Variants in TIAM1 observed in about 807,000 individuals in gnomAD.
TIAM1 encodes TIAM Rac1 associated GEF 1, also known as rho guanine nucleotide exchange factor TIAM1.
In TIAM1, 65 loss-of-function variants were observed where a neutral mutation model predicts 163.5. The ratio of observed to expected loss-of-function variants is 0.40; its 90% CI spans 0.33 to 0.49. TIAM1 has a LOEUF of 0.49. Ranked by LOEUF, TIAM1 falls within the 20% of genes least tolerant of loss-of-function variation. The probability of loss-of-function intolerance (pLI) is 0.77; values close to 1 mark genes in which losing one functional copy is unlikely to be tolerated. For synonymous variants in TIAM1, 833 were observed against 810.1 expected, an observed-to-expected ratio of 1.03 and a Z score of -0.48; for missense variants, 1,789 against 2,044.7, an observed-to-expected ratio of 0.87 and a Z score of 2.41.
chr21:31,534,346 C>A (rs767454403), intron 1 of TIAM1, among the ~76,000 whole-genome samples: 11 of 152,172 alleles, frequency 7.2e-5, no homozygotes, highest in Non-Finnish European at 1.3e-4. Flanking sequence ...GGCCTAATGG[C>A]CTGTCTTGTT....
intron 2 of TIAM1, among the ~76,000 whole-genome samples, chr21:31,360,392 C>T (rs1010196851): frequency 6.0e-5 from 9 of 150,926 alleles, no homozygotes; most frequent in Non-Finnish European, 1.2e-4. Flanking sequence ...CTCTAATGTC[C>T]TTGTATTATC....
intron 4 of TIAM1, among the ~76,000 whole-genome samples, chr21:31,261,217 T>C (rs909490939): frequency 2.6e-5 from 4 of 151,150 alleles, no homozygotes; most frequent in African/African-American, 9.7e-5. Context: ...ATCAGTGTTT[T>C]AGGTGACAAA....
chr21:31,510,091 C>T (rs974185898), intron 1 of TIAM1, among the ~76,000 whole-genome samples: 6 of 152,130 alleles, frequency 3.9e-5, no homozygotes, highest in Admixed American at 6.5e-5. Context: ...CCGGGGTACC[C>T]GTAAATGTAA....
At chr21:31,289,111 G>T (rs773521154) in intron 2 of TIAM1, among the ~76,000 whole-genome samples, 4 of 152,206 alleles carry the variant, frequency 2.6e-5, no homozygotes, top group Admixed American at 1.3e-4. Context: ...TAGCATTTAA[G>T]AACAATCATT....
intron 8 of TIAM1, among the ~76,000 whole-genome samples, chr21:31,222,494 T>C (rs758177439): frequency 3.9e-4 from 59 of 151,970 alleles, no homozygotes; most frequent in Non-Finnish European, 7.6e-4. Context: ...CCTCAAGCAA[T>C]GCATATATGT....
At position 31,430,449 on chromosome 21, in the gene TIAM1, C is replaced by T. The variant is rs187996769; in HGVS notation, c.-369+33534G>A. Among the ~76,000 whole-genome samples, 194 of 151,844 alleles carry T rather than the reference C, an allele frequency of 1.3e-3. 1 individual carries two copies. The highest frequency in any genetic ancestry group is 2.1e-3 in the Non-Finnish European group (142 of 67,960). On this transcript the variant is annotated intron_variant, in intron 2 of 28. Coordinates refer to the TIAM1 transcript ENST00000286827. The stretch of plus-strand genomic sequence containing the variant: ...TGAATATTTACAAATGATTTAAGGC[C>T]ACCTGCAACACAACCATTTTTACCA...
At chr21:31,474,146 G>A (rs1292844315) in intron 1 of TIAM1, among the ~76,000 whole-genome samples, 2 of 152,126 alleles carry the variant, frequency 1.3e-5, no homozygotes, top group Non-Finnish European at 2.9e-5. Context: ...ATCACCATGG[G>A]GATGGCACCA....
rs767133999 is a variant in TIAM1, at chr21:31,251,926, G to A, written c.1227C>T (p.Ser409=). The A allele has an allele frequency of 6.2e-6, 10 of 1,613,590 alleles. No individual in the cohort carries two copies. Among genetic ancestry groups the A allele is most frequent in the Non-Finnish European group, 8.5e-6 (10 of 1,179,866 alleles). ...TCAGGGTGCCGCTGCTCTGCTCATC[G>A]CTGTGCGCCGAGCCGGCCTCCTCCA... ...ESLEEAGSAH[S]DEQSSGTLSS... is the part of the protein sequence containing the mutation. The change falls in exon 5 of 28, where the codon AGC becomes AGT. Residue 409 remains serine, a synonymous_variant. Coordinates refer to ENST00000541036, the MANE Select transcript of TIAM1 (RefSeq NM_001353694.2).
chr21:31,428,351 T>C (rs574956834), intron 2 of TIAM1, among the ~76,000 whole-genome samples: 1 of 152,308 alleles, frequency 6.6e-6, no homozygotes, highest in South Asian at 2.1e-4. Flanking sequence ...CCCCTTCCTA[T>C]ATATGTGTCA....
chr21:31,506,030 A>C (rs2047014295), intron 1 of TIAM1, among the ~76,000 whole-genome samples: 1 of 146,008 alleles, frequency 6.8e-6, no homozygotes. Flanking sequence ...AAAAAAAAAA[A>C]AGGCTGATGC....
At chr21:31,263,511 T>C (rs1006656166) in intron 4 of TIAM1, among the ~76,000 whole-genome samples, 1 of 152,142 alleles carries the variant, frequency 6.6e-6, no homozygotes, top group African/African-American at 2.4e-5. Context: ...CGTATAATAA[T>C]GACACATGAG....
intron 2 of TIAM1, among the ~76,000 whole-genome samples, chr21:31,440,689 T>C (rs2044386036): frequency 6.6e-6 from 1 of 152,172 alleles, no homozygotes; most frequent in African/African-American, 2.4e-5. Context: ...GAGACCATCC[T>C]GGCCAACATG....
intron 1 of TIAM1, among the ~76,000 whole-genome samples, chr21:31,495,134 TAGAG>T (rs1050336173): frequency 3.9e-5 from 6 of 152,194 alleles, no homozygotes; most frequent in Admixed American, 3.9e-4. Flanking sequence ...TAGATAAATA[TAGAG>T]AGAATTATAA....
At chr21:31,263,731 G>T (rs1167498308) in intron 4 of TIAM1, among the ~76,000 whole-genome samples, 2 of 152,110 alleles carry the variant, frequency 1.3e-5, no homozygotes, top group African/African-American at 4.8e-5. Context: ...GCACTGTTCA[G>T]GTAGAAATGA....
chr21:31,144,113 T>C (rs1156962868), intron 20 of TIAM1, among the ~76,000 whole-genome samples: 3 of 152,282 alleles, frequency 2.0e-5, no homozygotes, highest in Non-Finnish European at 4.4e-5. Flanking sequence ...TTAAGCCCCA[T>C]TAAGAGAACA....
chr21:31,180,170 T>G, intron 15 of TIAM1, among the ~76,000 whole-genome samples: 1 of 152,118 alleles, frequency 6.6e-6, no homozygotes, highest in Admixed American at 6.6e-5. Context: ...CCTCCCAAAG[T>G]GCTGGGATTA....
chr21:31,400,934 T>C (rs528325533), intron 2 of TIAM1, among the ~76,000 whole-genome samples: 1 of 152,056 alleles, frequency 6.6e-6, no homozygotes, highest in Admixed American at 6.5e-5. Flanking sequence ...CTACTAAAAA[T>C]ACAAAAATTA....
At chr21:31,301,490 T>A (rs1279712391) in intron 2 of TIAM1, among the ~76,000 whole-genome samples, 1 of 152,188 alleles carries the variant, frequency 6.6e-6, no homozygotes, top group Non-Finnish European at 1.5e-5. Context: ...AATAGGTAGT[T>A]ATCCATCCAT....
intron 6 of TIAM1, 103 bp downstream of exon 6, chr21:31,245,385 A>G (rs2071446115): frequency 1.2e-6 from 1 of 826,938 alleles, no homozygotes; most frequent in African/African-American, 1.8e-5. Context: ...AAAAAAAAAA[A>G]AAAAAAAAAA....
Sources: allele counts gnomAD v4.1 joint callset (sites outside exome capture counted in the v4.1 genomes callset), GRCh38; gene constraint gnomAD v4.1.1; transcripts MANE v1.5; gene names NCBI Gene and HGNC (gene_info 2026-07-23, HGNC 2026-07-21).